The following ALK variants were observed in gnomAD, a reference collection of about 807,000 sequenced individuals.
ALK encodes ALK receptor tyrosine kinase.
ALK carries 74 observed loss-of-function variants against 163.1 expected under a neutral mutation model. The ratio of observed to expected loss-of-function variants is 0.45; its 90% CI spans 0.38 to 0.55. ALK has a LOEUF of 0.55. Among genes scored for constraint, ALK ranks in the 20% least tolerant of loss-of-function variants. The pLI is 0.00. For synonymous variants in ALK, 960 were observed against 843.2 expected, an observed-to-expected ratio of 1.14 and a Z score of -2.40; for missense variants, 2,063 against 2,105.3, an observed-to-expected ratio of 0.98 and a Z score of 0.39.
intron 1 of ALK, 88 bp from the exon 2 acceptor site, chr2:29,717,785 A>T: frequency 6.4e-7 from 1 of 1,573,142 alleles, no homozygotes; most frequent in South Asian, 1.1e-5. Flanking sequence ...AATGAAGTTT[A>T]TAAGGGGCTT....
chr2:29,674,402 C>T (rs1226381306), intron 3 of ALK, among the ~76,000 whole-genome samples: 3 of 151,390 alleles, frequency 2.0e-5, no homozygotes, highest in Non-Finnish European at 4.4e-5. Flanking sequence ...TGAATTTTGT[C>T]AAAGGCCTTT....
chr2:29,816,412 G>T (rs1248681611), intron 1 of ALK, among the ~76,000 whole-genome samples: 1 of 152,130 alleles, frequency 6.6e-6, no homozygotes, highest in African/African-American at 2.4e-5. Flanking sequence ...GTAAACAGTG[G>T]CCTCCTAATC....
intron 1 of ALK, among the ~76,000 whole-genome samples, chr2:29,918,389 A>G (rs564337247): frequency 1.6e-4 from 24 of 152,360 alleles, no homozygotes; most frequent in African/African-American, 5.8e-4. Context: ...TGTTGCATGT[A>G]TAAACCACAC....
At chr2:29,754,947 C>T (rs1017186442) in intron 1 of ALK, among the ~76,000 whole-genome samples, 3 of 152,102 alleles carry the variant, frequency 2.0e-5, no homozygotes, top group African/African-American at 7.2e-5. Context: ...ATGCCGGACG[C>T]CAGCATGGAT....
At chr2:29,540,596 A>ATTTTTT (rs1558375202) in intron 3 of ALK, among the ~76,000 whole-genome samples, 55 of 101,262 alleles carry the variant, frequency 5.4e-4, no homozygotes, top group Admixed American at 1.5e-3. Context: ...TTTTTTTAAA[A>ATTTTTT]AAAAAAAACC....
intron 4 of ALK, among the ~76,000 whole-genome samples, chr2:29,487,544 C>G (rs543037411): frequency 6.6e-6 from 1 of 152,288 alleles, no homozygotes; most frequent in East Asian, 1.9e-4. Context: ...CCCAAAGCAT[C>G]AGATTCAAGG....
intron 3 of ALK, among the ~76,000 whole-genome samples, chr2:29,597,355 A>T (rs1558401888): frequency 2.0e-5 from 3 of 152,164 alleles, no homozygotes; most frequent in Non-Finnish European, 2.9e-5. Flanking sequence ...CAAACCCATC[A>T]TATCTGTTGT....
intron 26 of ALK, among the ~76,000 whole-genome samples, chr2:29,202,167 C>T (rs1214044660): frequency 6.6e-6 from 1 of 152,202 alleles, no homozygotes; most frequent in Non-Finnish European, 1.5e-5. Flanking sequence ...CTTCCTGCCT[C>T]TGGCTGTTCA....
intron 3 of ALK, among the ~76,000 whole-genome samples, chr2:29,594,495 C>T (rs957801989): frequency 7.7e-5 from 11 of 143,450 alleles, no homozygotes; most frequent in Non-Finnish European, 1.6e-4. Context: ...GTGGCACAAT[C>T]TCGGCTCACT....
chr2:29,483,527 T>C (rs1671714198), intron 4 of ALK, among the ~76,000 whole-genome samples: 1 of 152,246 alleles, frequency 6.6e-6, no homozygotes, highest in South Asian at 2.1e-4. Context: ...AAATGATTCA[T>C]GTGCACATCC....
At chr2:29,729,749 T>C (rs995325772) in intron 1 of ALK, among the ~76,000 whole-genome samples, 3 of 152,216 alleles carry the variant, frequency 2.0e-5, no homozygotes, top group Non-Finnish European at 2.9e-5. Context: ...TTTGCCTTCA[T>C]GCAGCACATC....
At chr2:29,314,111 G>A (rs1666765009) in intron 8 of ALK, among the ~76,000 whole-genome samples, 1 of 152,062 alleles carries the variant, frequency 6.6e-6, no homozygotes, top group Non-Finnish European at 1.5e-5. Context: ...CTGTTTCCAG[G>A]GATGATCACC....
intron 3 of ALK, among the ~76,000 whole-genome samples, chr2:29,683,394 A>AAAAAAC (rs1383917941): frequency 3.3e-5 from 5 of 152,098 alleles, no homozygotes; most frequent in African/African-American, 9.7e-5. Context: ...AAAGAAAAAC[A>AAAAAAC]AAAAACAAAA....
intron 1 of ALK, among the ~76,000 whole-genome samples, chr2:29,836,453 A>G (rs1665562008): frequency 6.6e-6 from 1 of 152,108 alleles, no homozygotes; most frequent in African/African-American, 2.4e-5. Flanking sequence ...AAAAATAGAG[A>G]TTGGAATGCT....
chr2:29,410,097 T>G (rs949013129), intron 4 of ALK, among the ~76,000 whole-genome samples: 3 of 152,194 alleles, frequency 2.0e-5, no homozygotes, highest in Non-Finnish European at 2.9e-5. Context: ...AAGAGCTGCA[T>G]CTTTAGGTGA....
chr2:29,574,244 TC>T (rs1456385945), intron 3 of ALK, among the ~76,000 whole-genome samples: 2 of 152,192 alleles, frequency 1.3e-5, no homozygotes, highest in African/African-American at 4.8e-5. Context: ...CCACTGCATC[TC>T]CCTAAGCCTG....
chr2:29,223,539 G>A lies in ALK; in HGVS notation c.3173-11C>T, dbSNP rs79339096. ...GCTTCCGGCGGTACACTGCAGGTGG[G>A]TGGTCAGCTGCAACATGGCCTGGCA... On this transcript the variant is annotated splice_polypyrimidine_tract_variant and intron_variant, in intron 19 of 28. Transcript: ENST00000389048. The A allele has an allele frequency of 4.3e-4, 692 of 1,612,488 alleles. 1 individual carries two copies. Among genetic ancestry groups the A allele is most frequent in the Non-Finnish European group, 5.8e-4 (680 of 1,179,896 alleles).
rs140574275 is a variant in ALK, at chr2:29,646,824, C to G, written c.952+48026G>C. Among the ~76,000 whole-genome samples, 26 of 152,282 alleles carry G rather than the reference C, an allele frequency of 1.7e-4. No homozygotes were observed. In the East Asian group the frequency reaches 4.8e-3, roughly 28 times the overall value. On this transcript the variant is annotated intron_variant, in intron 3 of 28. Coordinates refer to ENST00000389048, the MANE Select transcript of ALK (RefSeq NM_004304.5). Reference sequence around the variant, plus strand: ...ATTGCACCACACCACTCCTGCCTTCCTTGCTTTATTGTCCTTTATAGCACT... The same window carrying G: ...ATTGCACCACACCACTCCTGCCTTCGTTGCTTTATTGTCCTTTATAGCACT...
intron 1 of ALK, among the ~76,000 whole-genome samples, chr2:29,752,394 G>A (rs1188738535): frequency 7.0e-6 from 1 of 143,286 alleles, no homozygotes; most frequent in African/African-American, 2.6e-5. Context: ...CTGTCGCCCA[G>A]GCTGGAGTGC....
Sources: gnomAD v4.1 joint callset for allele counts (sites outside exome capture counted in the v4.1 genomes callset) on GRCh38, gnomAD v4.1.1 for gene constraint, MANE v1.5 for transcripts, NCBI Gene and HGNC (gene_info 2026-07-23, HGNC 2026-07-21) for gene names.